ZNF385D: variants seen among roughly 807,000 people sequenced by gnomAD.
The protein encoded by ZNF385D is zinc finger protein 385D, also known as zinc finger protein 659.
In ZNF385D, 15 loss-of-function variants were observed where a neutral mutation model predicts 35.8. The ratio of observed to expected loss-of-function variants is 0.42; its 90% CI spans 0.28 to 0.64. The LOEUF (loss-of-function observed/expected upper bound fraction) is 0.64, where lower values mean the gene tolerates loss of function less well. ZNF385D is among the 30% of genes least tolerant of loss of function. The pLI is 0.23. For missense variants in ZNF385D, 474 were observed against 494.6 expected (o/e 0.96, Z 0.39); for synonymous variants, 212 against 186.8 (o/e 1.13, Z -1.10).
At chr3:22,134,348 C>A (rs1703979331) in intron 3 of ZNF385D, 1 of 151,976 alleles carries the variant, frequency 6.6e-6, no homozygotes, top group African/African-American at 2.4e-5. Flanking sequence ...ATGGATATGT[C>A]CCTACCATGG....
intron 2 of ZNF385D, among the ~76,000 whole-genome samples, chr3:22,329,747 CA>C (rs1291096726): frequency 6.6e-6 from 1 of 152,070 alleles, no homozygotes; most frequent in African/African-American, 2.4e-5. Context: ...TCTGCAGCCA[CA>C]GGAAGAAGTA....
intron 3 of ZNF385D, among the ~76,000 whole-genome samples, chr3:22,020,074 T>G (rs1224300902): frequency 1.3e-5 from 2 of 151,900 alleles, no homozygotes; most frequent in African/African-American, 4.8e-5. Flanking sequence ...AATTAAAAAA[T>G]GTAAAACAAA....
chr3:22,198,407 T>C (rs1696562977), intron 2 of ZNF385D, among the ~76,000 whole-genome samples: 1 of 152,112 alleles, frequency 6.6e-6, no homozygotes, highest in Admixed American at 6.6e-5. Flanking sequence ...GATCTGGTAC[T>C]AAGCATTGTG....
intron 3 of ZNF385D, among the ~76,000 whole-genome samples, chr3:22,007,963 G>A (rs1298377655): frequency 4.0e-5 from 6 of 151,746 alleles, no homozygotes; most frequent in Admixed American, 1.3e-4. Context: ...TCATACCTAT[G>A]TACAAATGAG....
intron 3 of ZNF385D, among the ~76,000 whole-genome samples, chr3:21,559,456 A>G (rs902454323): frequency 6.6e-6 from 1 of 152,166 alleles, no homozygotes; most frequent in Non-Finnish European, 1.5e-5. Context: ...TGGGTTGAAC[A>G]TTCTTTTCTT....
At chr3:22,366,776 G>C (rs748213189) in intron 2 of ZNF385D, among the ~76,000 whole-genome samples, 1 of 152,150 alleles carries the variant, frequency 6.6e-6, no homozygotes, top group African/African-American at 2.4e-5. Context: ...TTTTAAGTGA[G>C]ATTTTCCTGG....
intron 2 of ZNF385D, among the ~76,000 whole-genome samples, chr3:21,574,800 CATA>C (rs1013994871): frequency 1.3e-5 from 2 of 151,928 alleles, no homozygotes; most frequent in African/African-American, 4.8e-5. Flanking sequence ...CAGAATATTC[CATA>C]ATAAGTTAAT....
rs570933434 is a variant in ZNF385D, at chr3:21,987,879, T to C, written c.325+180938A>G. 7.8e-5 allele frequency among the ~76,000 whole-genome samples: 11 copies of C among 141,126 alleles called. 1 individual carries two copies. The South Asian group carries it at 2.8e-3, about 36-fold the overall frequency. 92.6% of individuals were successfully genotyped at this position (141,126 alleles called of 152,430 possible). A position where few individuals can be genotyped will look rare whatever the true frequency, so the allele number is the denominator to read the frequency against. On this transcript the variant is annotated intron_variant, in intron 3 of 5. Coordinates refer to the ZNF385D transcript ENST00000494108. Reference sequence around the variant, plus strand: ...GGCTTTGCTCATTTCTTTTTATTCTTTTTTCTCTAAACTTCCCTTCTCACT... The same window carrying C: ...GGCTTTGCTCATTTCTTTTTATTCTCTTTTCTCTAAACTTCCCTTCTCACT...
At chr3:22,118,060 A>G (rs960301643) in intron 3 of ZNF385D, among the ~76,000 whole-genome samples, 1 of 152,128 alleles carries the variant, frequency 6.6e-6, no homozygotes, top group Non-Finnish European at 1.5e-5. Flanking sequence ...TTAAATAAGT[A>G]TTTTTATGCA....
intron 3 of ZNF385D, among the ~76,000 whole-genome samples, chr3:22,049,910 T>C (rs137953414): frequency 6.6e-6 from 1 of 152,328 alleles, no homozygotes; most frequent in East Asian, 1.9e-4. Flanking sequence ...TAATATTTTG[T>C]TGAGGAATTT....
chr3:22,036,524 A>G (rs1698329242), intron 3 of ZNF385D, among the ~76,000 whole-genome samples: 2 of 152,180 alleles, frequency 1.3e-5, no homozygotes, highest in African/African-American at 4.8e-5. Flanking sequence ...AAAAATGGAA[A>G]GAAATAGTAG....
intron 4 of ZNF385D, among the ~76,000 whole-genome samples, chr3:21,498,375 C>G (rs1016537184): frequency 6.6e-6 from 1 of 151,966 alleles, no homozygotes; most frequent in African/African-American, 2.4e-5. Flanking sequence ...CAAATGGGAC[C>G]TAAAGAGCTT....
intron 1 of ZNF385D, among the ~76,000 whole-genome samples, chr3:21,716,341 T>A (rs2068317945): frequency 6.6e-6 from 1 of 152,168 alleles, no homozygotes; most frequent in African/African-American, 2.4e-5. Context: ...AAAGGCCTTA[T>A]AATGTCCTAA....
intron 3 of ZNF385D, among the ~76,000 whole-genome samples, chr3:21,894,442 C>A (rs1238470027): frequency 6.6e-6 from 1 of 152,102 alleles, no homozygotes; most frequent in Non-Finnish European, 1.5e-5. Flanking sequence ...TTTAAACTTT[C>A]TAATTCTTTC....
intron 3 of ZNF385D, among the ~76,000 whole-genome samples, chr3:21,798,417 G>GACC (rs1326023071): frequency 6.6e-6 from 1 of 152,052 alleles, no homozygotes; most frequent in Admixed American, 6.6e-5. Context: ...CTAGACGCGG[G>GACC]ACCACACTCA....
intron 2 of ZNF385D, among the ~76,000 whole-genome samples, chr3:22,333,310 T>C (rs1241925066): frequency 2.0e-5 from 3 of 152,170 alleles, no homozygotes; most frequent in African/African-American, 2.4e-5. Flanking sequence ...TTTAAATACA[T>C]AGGTTTATTC....
At chr3:22,018,860 AATTTTTGAGTTTAG>A (rs1403409810) in intron 3 of ZNF385D, among the ~76,000 whole-genome samples, 1 of 151,850 alleles carries the variant, frequency 6.6e-6, no homozygotes, top group Non-Finnish European at 1.5e-5. Context: ...TTTAATTGCT[AATTTTTGAGTTTAG>A]ATTCCCAATG....
At chr3:22,043,887 C>T (rs1333661371) in intron 3 of ZNF385D, among the ~76,000 whole-genome samples, 1 of 152,028 alleles carries the variant, frequency 6.6e-6, no homozygotes, top group African/African-American at 2.4e-5. Flanking sequence ...AGAAGATGAT[C>T]ATGTAAGCAA....
At chr3:22,184,818 A>T (rs977603564) in intron 2 of ZNF385D, among the ~76,000 whole-genome samples, 1 of 152,154 alleles carries the variant, frequency 6.6e-6, no homozygotes, top group Non-Finnish European at 1.5e-5. Flanking sequence ...AAACAAAACG[A>T]AAAAGGACAA....
Sources: allele counts gnomAD v4.1 joint callset (sites outside exome capture counted in the v4.1 genomes callset), GRCh38; gene constraint gnomAD v4.1.1; transcripts MANE v1.5; gene names NCBI Gene and HGNC (gene_info 2026-07-23, HGNC 2026-07-21).